GNAL: variants seen among roughly 807,000 people sequenced by gnomAD.
GNAL encodes guanine nucleotide-binding protein G(olf) subunit alpha.
Under a neutral mutation model 55.1 loss-of-function variants are expected in GNAL, and 18 were observed. The ratio of observed to expected loss-of-function variants is 0.33; its 90% CI spans 0.23 to 0.48. The LOEUF (loss-of-function observed/expected upper bound fraction) is 0.48. GNAL is among the 20% of genes least tolerant of loss of function. GNAL has a pLI of 0.99. For synonymous variants in GNAL, 253 were observed against 237.0 expected (o/e 1.07, Z -0.62); for missense variants, 412 against 614.1 (o/e 0.67, Z 3.48).
chr18:11,884,397 C>A lies in GNAL; in HGVS notation c.*3262C>A. The A allele has an allele frequency of 1.3e-6, 2 of 1,582,396 alleles. No individual in the cohort carries two copies. Among genetic ancestry groups the A allele is most frequent in the Non-Finnish European group, 1.7e-6 (2 of 1,155,566 alleles). On this transcript the variant is annotated 3_prime_UTR_variant, in exon 12 of 12. Coordinates refer to ENST00000334049, the MANE Select transcript of GNAL (RefSeq NM_182978.4). ...CACTTGATTCTAACATGATCTCTGCCCAAAGTTCCATTTCTTGGGCTTTGA... is the reference window on the plus strand; with the variant it reads ...CACTTGATTCTAACATGATCTCTGCACAAAGTTCCATTTCTTGGGCTTTGA...
chr18:11,710,524 G>A (rs976245557), intron 1 of GNAL, among the ~76,000 whole-genome samples: 1 of 151,804 alleles, frequency 6.6e-6, no homozygotes, highest in Admixed American at 6.6e-5. Flanking sequence ...TCTTGTTGCT[G>A]TTTAGTATGC....
chr18:11,759,911 A>G (rs2033185066), intron 4 of GNAL, among the ~76,000 whole-genome samples: 1 of 151,904 alleles, frequency 6.6e-6, no homozygotes, highest in Admixed American at 6.6e-5. Flanking sequence ...TTTTTTAACC[A>G]ACCAAGCTGA....
At chr18:11,847,102 A>G (rs2035757449) in intron 5 of GNAL, among the ~76,000 whole-genome samples, 1 of 151,860 alleles carries the variant, frequency 6.6e-6, no homozygotes, top group South Asian at 2.1e-4. Context: ...ATCCAATGCC[A>G]TTTCCTTTGG....
chr18:11,824,729 G>A (rs954492519), intron 4 of GNAL, among the ~76,000 whole-genome samples, 189 bp from the exon 5 acceptor site: 1 of 152,006 alleles, frequency 6.6e-6, no homozygotes, highest in South Asian at 2.1e-4. Flanking sequence ...CTTGAGTAAT[G>A]ATAACATGCA....
In GNAL at chr18:11,881,160, G is replaced by C. The variant is rs1250718355; in HGVS notation, c.*25G>C. 3 of 1,585,890 alleles carry C rather than the reference G, an allele frequency of 1.9e-6. No individual in the cohort carries two copies. In the African/African-American group the frequency reaches 4.0e-5, roughly 21 times the overall value. On this transcript the variant is annotated 3_prime_UTR_variant, in exon 12 of 12. Transcript: ENST00000334049. The surrounding 1 kb of genome is among the most constrained non-coding windows in gnomAD (Gnocchi z 4.8). ...AGGATGCTGCCGCCACCCTGCGACG[G>C]AGCGGCGCCCCGGACTGCCTGACTG... is the stretch of plus-strand genomic sequence containing the variant.
intron 1 of GNAL, among the ~76,000 whole-genome samples, chr18:11,697,291 G>A (rs1041574429): frequency 1.3e-5 from 2 of 151,948 alleles, no homozygotes; most frequent in South Asian, 2.1e-4. Context: ...TAATCCCAGC[G>A]CTTTGGGAGG....
At chr18:11,824,266 G>GGGGC (rs1555654834) in intron 4 of GNAL, among the ~76,000 whole-genome samples, 1 of 17,540 alleles carries the variant, frequency 5.7e-5, no homozygotes, top group African/African-American at 8.3e-5. Context: ...CTGAGATGGG[G>GGGGC]GGGGGGTTCA....
chr18:11,751,586 C>T lies in GNAL; in HGVS notation c.377-1267C>T. The T allele has an allele frequency of 3.0e-6, 3 of 985,444 alleles. No homozygotes were observed. The highest frequency in any genetic ancestry group is 3.6e-6 in the Non-Finnish European group (3 of 829,932). 61.0% of individuals were successfully genotyped at this position (985,444 alleles called of 1,614,324 possible). A position where few individuals can be genotyped will look rare whatever the true frequency, so the allele number is the denominator to read the frequency against. On this transcript the variant is annotated intron_variant, in intron 1 of 11. Coordinates refer to ENST00000334049, the MANE Select transcript of GNAL (RefSeq NM_182978.4). This position sits in a 1 kb window ranked among gnomAD's most constrained non-coding sequence, Gnocchi z 4.5. ...AGTCTTCGCCCGCCAGGAGCAGGGA[C>T]GCGTCCGAGCCAACACGGGGCGCGC...
intron 4 of GNAL, among the ~76,000 whole-genome samples, chr18:11,754,195 G>A (rs1033957003): frequency 1.3e-5 from 2 of 152,092 alleles, no homozygotes; most frequent in African/African-American, 4.8e-5. Context: ...CGGGCAGATT[G>A]CCTGAGGTCA....
intron 5 of GNAL, chr18:11,853,409 C>T (rs1351429158): frequency 6.0e-6 from 1 of 167,122 alleles, no homozygotes; most frequent in African/African-American, 2.4e-5. Flanking sequence ...AGCCTCGAAA[C>T]ATGGAGAAAA....
intron 4 of GNAL, among the ~76,000 whole-genome samples, chr18:11,822,263 A>C (rs2035116680): frequency 6.6e-6 from 1 of 151,324 alleles, no homozygotes. Context: ...ACATTATGAG[A>C]CCTCCCTTCC....
intron 1 of GNAL, among the ~76,000 whole-genome samples, chr18:11,728,007 A>C (rs1210055270): frequency 6.6e-6 from 1 of 152,142 alleles, no homozygotes; most frequent in Non-Finnish European, 1.5e-5. Context: ...CAGGAAGATC[A>C]CTTGAGGCCA....
intron 1 of GNAL, among the ~76,000 whole-genome samples, chr18:11,708,239 G>A (rs1369212284): frequency 6.6e-6 from 1 of 152,054 alleles, no homozygotes; most frequent in Non-Finnish European, 1.5e-5. Context: ...TTTAAAGTGA[G>A]ACAGTCTTCA....
intron 1 of GNAL, among the ~76,000 whole-genome samples, chr18:11,701,704 G>A (rs2031575696): frequency 1.3e-5 from 2 of 152,088 alleles, no homozygotes; most frequent in African/African-American, 2.4e-5. Flanking sequence ...GAACCCAGAA[G>A]CACCCACAGC....
chr18:11,881,325 G>A lies in GNAL; in HGVS notation c.*190G>A, dbSNP rs79507261. The stretch of plus-strand genomic sequence containing the variant: ...TGTAGCTTCTGTTGTCATTGAATAC[G>A]GCCTCCCGCAGCATCCCACCCCCAA... On this transcript the variant is annotated 3_prime_UTR_variant, in exon 12 of 12. Transcript: ENST00000334049. The surrounding 1 kb of genome is among the most constrained non-coding windows in gnomAD (Gnocchi z 4.8). 3,632 of 505,608 alleles carry A rather than the reference G, an allele frequency of 7.2e-3. 114 individuals carry two copies. Among genetic ancestry groups the A allele is most frequent in the African/African-American group, 0.062 (3,223 of 51,864 alleles). The allele number at this position is 505,608 out of a possible 1,614,324, so 31.3% of individuals were successfully genotyped here. A position where few individuals can be genotyped will look rare whatever the true frequency, so the allele number is the denominator to read the frequency against.
intron 10 of GNAL, among the ~76,000 whole-genome samples, chr18:11,875,428 C>A (rs1404288086): frequency 6.6e-6 from 1 of 152,144 alleles, no homozygotes; most frequent in Non-Finnish European, 1.5e-5. Flanking sequence ...ATTGTAATCC[C>A]CAGTGTTTGA....
At chr18:11,788,497 G>A (rs898790509) in intron 4 of GNAL, among the ~76,000 whole-genome samples, 2 of 152,094 alleles carry the variant, frequency 1.3e-5, no homozygotes, top group Non-Finnish European at 2.9e-5. Flanking sequence ...GCCAAGAATC[G>A]TACTGTCCTA....
intron 4 of GNAL, among the ~76,000 whole-genome samples, chr18:11,771,300 T>C (rs1222706896): frequency 6.6e-6 from 1 of 151,530 alleles, no homozygotes; most frequent in African/African-American, 2.4e-5. Context: ...TAGTGTGTTA[T>C]ATCATCATGT....
intron 4 of GNAL, among the ~76,000 whole-genome samples, chr18:11,820,212 G>A (rs1431916976): frequency 6.6e-6 from 1 of 152,148 alleles, no homozygotes; most frequent in Non-Finnish European, 1.5e-5. Context: ...GAAAGGGGGA[G>A]AGCAGACAGC....
Sources: allele counts gnomAD v4.1 joint callset (sites outside exome capture counted in the v4.1 genomes callset), GRCh38; gene constraint gnomAD v4.1.1; non-coding constraint Gnocchi (gnomAD v3.1); transcripts MANE v1.5; gene names NCBI Gene and HGNC (gene_info 2026-07-23, HGNC 2026-07-21).